Variants in VOPP1 observed in about 807,000 individuals in gnomAD.
VOPP1 encodes the protein VOPP1 WW domain binding protein.
In VOPP1, 8 loss-of-function variants were observed where a neutral mutation model predicts 23.5. The observed-to-expected ratio is 0.34, with a 90% CI of 0.20 to 0.61. The LOEUF (loss-of-function observed/expected upper bound fraction) is 0.61. Ranked by LOEUF, VOPP1 falls within the 20% of genes least tolerant of loss-of-function variation. VOPP1 has a pLI of 0.78. For synonymous variants in VOPP1, 83 were observed against 97.3 expected (o/e 0.85, Z 0.86); for missense variants, 174 against 238.1 (o/e 0.73, Z 1.77).
intron 2 of VOPP1, among the ~76,000 whole-genome samples, chr7:55,516,543 G>A (rs1031681721): frequency 5.3e-5 from 8 of 152,168 alleles, no homozygotes; most frequent in Non-Finnish European, 7.3e-5. Context: ...TAACTGGCAC[G>A]CTGAAATGAA....
chr7:55,497,435 C>G (rs1358087841), intron 3 of VOPP1, among the ~76,000 whole-genome samples, 178 bp downstream of exon 3: 22 of 152,174 alleles, frequency 1.4e-4, no homozygotes. Context: ...CCCACAAACC[C>G]CATGCGTGCA....
intron 1 of VOPP1, among the ~76,000 whole-genome samples, chr7:55,545,959 C>A (rs1437403782): frequency 6.6e-6 from 1 of 152,014 alleles, no homozygotes; most frequent in African/African-American, 2.4e-5. Flanking sequence ...ACCAGCTATT[C>A]AGGAAGCTGA....
chr7:55,448,855 A>G (rs1791168865), intron 4 of VOPP1, among the ~76,000 whole-genome samples: 1 of 152,204 alleles, frequency 6.6e-6, no homozygotes, highest in African/African-American at 2.4e-5. Flanking sequence ...GGACATGCCC[A>G]CCCTCTTCAA....
chr7:55,497,873 G>A (rs1266027069), intron 2 of VOPP1, among the ~76,000 whole-genome samples, 183 bp from the exon 3 acceptor site: 2 of 152,366 alleles, frequency 1.3e-5, no homozygotes, highest in East Asian at 3.9e-4. Context: ...TCAGCCTGTG[G>A]CCCAAAGCAA....
At chr7:55,454,934 T>G (rs1443609860) in intron 4 of VOPP1, among the ~76,000 whole-genome samples, 2 of 152,224 alleles carry the variant, frequency 1.3e-5, no homozygotes, top group African/African-American at 4.8e-5. Flanking sequence ...AACACAGTAT[T>G]GGAAGTTCTG....
intron 2 of VOPP1, among the ~76,000 whole-genome samples, chr7:55,514,874 TA>T (rs1446619295): frequency 6.6e-6 from 1 of 152,112 alleles, no homozygotes; most frequent in Non-Finnish European, 1.5e-5. Context: ...GCTGCAAAGG[TA>T]GATGCAAAGA....
chr7:55,485,098 G>A (rs140749276), intron 4 of VOPP1, among the ~76,000 whole-genome samples: 1,791 of 152,282 alleles, frequency 0.012, 12 homozygotes, highest in Middle Eastern at 0.02. Context: ...CTGTGACCCT[G>A]TAATTTTTTT....
intron 1 of VOPP1, among the ~76,000 whole-genome samples, chr7:55,564,494 G>A (rs1798099729): frequency 6.6e-6 from 1 of 152,136 alleles, no homozygotes; most frequent in Non-Finnish European, 1.5e-5. Flanking sequence ...CCTAGCAAAA[G>A]AGATGGCTAT....
At position 55,502,104 on chromosome 7, in the gene VOPP1, G is replaced by A. The variant is rs547306170; in HGVS notation, c.114-4414C>T. Among the ~76,000 whole-genome samples, 3 of 152,268 alleles carry A rather than the reference G, an allele frequency of 2.0e-5. No individual in the cohort carries two copies. The South Asian group carries it at 6.2e-4, about 32-fold the overall frequency. On this transcript the variant is annotated intron_variant, in intron 2 of 4. Coordinates refer to ENST00000285279, the MANE Select transcript of VOPP1 (RefSeq NM_030796.5). ...ATGCTTCCCTTTCAGCTTTACACTT[G>A]TAAGGAAGCATTTGCTGCCTGGAAA...
At chr7:55,548,706 A>G (rs1797470195) in intron 1 of VOPP1, among the ~76,000 whole-genome samples, 1 of 152,168 alleles carries the variant, frequency 6.6e-6, no homozygotes, top group Non-Finnish European at 1.5e-5. Context: ...TACTTTTACT[A>G]GCCTTGTGCT....
At chr7:55,503,536 GTT>G in intron 2 of VOPP1, among the ~76,000 whole-genome samples, 1 of 152,374 alleles carries the variant, frequency 6.6e-6, no homozygotes, top group Middle Eastern at 3.4e-3. Flanking sequence ...CCAAAAGTCA[GTT>G]TGTAAACCTT....
chr7:55,549,538 C>T (rs1215155710), intron 1 of VOPP1, among the ~76,000 whole-genome samples: 1 of 152,086 alleles, frequency 6.6e-6, no homozygotes, highest in Non-Finnish European at 1.5e-5. Flanking sequence ...TCTCCACTGT[C>T]AAAAAAAGGC....
chr7:55,479,202 T>A (rs1379759008), intron 4 of VOPP1, among the ~76,000 whole-genome samples: 1 of 151,878 alleles, frequency 6.6e-6, no homozygotes, highest in Non-Finnish European at 1.5e-5. Context: ...ATGTGCACAA[T>A]GTGCAGGTTA....
chr7:55,540,755 G>A (rs1457878501), intron 1 of VOPP1, among the ~76,000 whole-genome samples: 1 of 152,210 alleles, frequency 6.6e-6, no homozygotes, highest in Non-Finnish European at 1.5e-5. Flanking sequence ...CGGCCTCAAC[G>A]CAGGGAATTT....
rs115484918 is a variant in VOPP1, at chr7:55,527,233, T to C, written c.55-6103A>G. Among the ~76,000 whole-genome samples the C allele has an allele frequency of 2.4e-3, 362 of 152,358 alleles. 4 individuals carry two copies. The highest frequency in any genetic ancestry group is 8.4e-3 in the African/African-American group (349 of 41,588). ...AATCAGTTCCCTAAATGCTAATTAC[T>C]TAATCCCCAGGTTTATGGACATTTT... On this transcript the variant is annotated intron_variant, in intron 1 of 4. Transcript: ENST00000285279.
intron 4 of VOPP1, among the ~76,000 whole-genome samples, chr7:55,486,638 C>T (rs1793167626): frequency 6.6e-6 from 1 of 152,236 alleles, no homozygotes; most frequent in Admixed American, 6.5e-5. Flanking sequence ...CACCCACACC[C>T]CCTCACCCTG....
intron 1 of VOPP1, among the ~76,000 whole-genome samples, chr7:55,521,342 C>T (rs1795840731): frequency 6.6e-6 from 1 of 152,074 alleles, no homozygotes; most frequent in Non-Finnish European, 1.5e-5. Flanking sequence ...TTTTTCATAG[C>T]CTTTCATATC....
intron 4 of VOPP1, among the ~76,000 whole-genome samples, chr7:55,477,804 C>A (rs1177380149): frequency 1.3e-5 from 2 of 152,118 alleles, no homozygotes; most frequent in African/African-American, 4.8e-5. Context: ...AGAACATGAA[C>A]CCTTAGGTTA....
At chr7:55,447,595 T>C (rs1791134655) in intron 4 of VOPP1, among the ~76,000 whole-genome samples, 1 of 152,204 alleles carries the variant, frequency 6.6e-6, no homozygotes, top group Non-Finnish European at 1.5e-5. Context: ...ACTACTATTT[T>C]CTCCATTCAA....
Sources: gnomAD v4.1 joint callset for allele counts (sites outside exome capture counted in the v4.1 genomes callset) on GRCh38, gnomAD v4.1.1 for gene constraint, MANE v1.5 for transcripts, NCBI Gene and HGNC (gene_info 2026-07-23, HGNC 2026-07-21) for gene names.